The following FBXO36 variants were observed in gnomAD, a reference collection of about 807,000 sequenced individuals.
FBXO36 encodes F-box only protein 36.
In FBXO36, 18 loss-of-function variants were observed where a neutral mutation model predicts 17.0. The observed-to-expected ratio is 1.06, with a 90% CI of 0.73 to 1.57. The LOEUF is 1.57. Among genes scored for constraint, FBXO36 ranks in the 40% most tolerant of loss-of-function variants. The probability of loss-of-function intolerance (pLI) is 0.00; values close to 1 mark genes in which losing one functional copy is unlikely to be tolerated. For synonymous variants in FBXO36, 83 were observed against 85.3 expected (o/e 0.97, Z 0.15); for missense variants, 229 against 221.9 (o/e 1.03, Z -0.20).
intron 1 of FBXO36, chr2:229,937,861 T>C (rs1311265830): frequency 6.6e-6 from 1 of 152,218 alleles, no homozygotes; most frequent in Non-Finnish European, 1.5e-5. Flanking sequence ...ATTTTTAGTA[T>C]ATGTGCTGGT....
chr2:229,938,744 C>T (rs2076980300), intron 1 of FBXO36, among the ~76,000 whole-genome samples: 1 of 139,256 alleles, frequency 7.2e-6, no homozygotes, highest in Non-Finnish European at 1.5e-5. Flanking sequence ...GTTTTCTTAC[C>T]CCCAAAAAAC....
chr2:229,929,373 C>T (rs887595732), intron 1 of FBXO36, among the ~76,000 whole-genome samples: 1 of 151,858 alleles, frequency 6.6e-6, no homozygotes, highest in African/African-American at 2.4e-5. Flanking sequence ...ACCATCCCGG[C>T]CAACATGGTG....
chr2:229,941,685 T>G (rs1006575497), intron 1 of FBXO36, among the ~76,000 whole-genome samples: 2 of 152,006 alleles, frequency 1.3e-5, no homozygotes, highest in Admixed American at 1.3e-4. Context: ...AGGCTGCAAG[T>G]TGCCTCTCCA....
At chr2:229,932,022 T>TC (rs2076941059) in intron 1 of FBXO36, among the ~76,000 whole-genome samples, 2 of 150,096 alleles carry the variant, frequency 1.3e-5, no homozygotes, top group African/African-American at 2.4e-5. Flanking sequence ...GCTCAAGCAA[T>TC]CCACCCACTT....
intron 2 of FBXO36, among the ~76,000 whole-genome samples, chr2:229,996,156 T>C (rs2077326044): frequency 6.6e-6 from 1 of 151,584 alleles, no homozygotes; most frequent in African/African-American, 2.4e-5. Context: ...CACACACCAA[T>C]AGTCCCAGCT....
intron 1 of FBXO36, among the ~76,000 whole-genome samples, chr2:229,975,602 G>T (rs2077203472): frequency 6.6e-6 from 1 of 150,398 alleles, no homozygotes; most frequent in Admixed American, 6.7e-5. Context: ...AGCCTCACAA[G>T]TAGTGGGGAC....
At chr2:230,009,469 G>A (rs1236601759) in intron 3 of FBXO36, among the ~76,000 whole-genome samples, 1 of 152,186 alleles carries the variant, frequency 6.6e-6, no homozygotes, top group African/African-American at 2.4e-5. Context: ...TTTTTATGGT[G>A]TGCAGTGGCA....
chr2:229,929,200 C>T (rs967796191), intron 1 of FBXO36, among the ~76,000 whole-genome samples: 2 of 152,002 alleles, frequency 1.3e-5, no homozygotes, highest in African/African-American at 4.8e-5. Flanking sequence ...TCCCAAAGTG[C>T]TGGGATTACA....
chr2:229,965,524 C>T (rs572089415), intron 1 of FBXO36, among the ~76,000 whole-genome samples: 1 of 143,584 alleles, frequency 7.0e-6, no homozygotes, highest in Non-Finnish European at 1.5e-5. Flanking sequence ...TCCCTCCCCC[C>T]TCCCCCAACC....
chr2:229,984,030 C>G (rs1020582156), intron 2 of FBXO36, among the ~76,000 whole-genome samples: 2 of 152,178 alleles, frequency 1.3e-5, no homozygotes, highest in Non-Finnish European at 2.9e-5. Context: ...TGAATTCTTT[C>G]TGTTTGAATT....
At chr2:229,968,919 G>C (rs960062891) in intron 1 of FBXO36, among the ~76,000 whole-genome samples, 2 of 151,720 alleles carry the variant, frequency 1.3e-5, no homozygotes, top group African/African-American at 4.8e-5. Context: ...GATTACAGGC[G>C]TGCACCACCA....
intron 1 of FBXO36, among the ~76,000 whole-genome samples, chr2:229,974,407 C>T (rs894449092): frequency 3.3e-5 from 5 of 152,172 alleles, no homozygotes; most frequent in African/African-American, 9.6e-5. Flanking sequence ...CCATGGAGAG[C>T]GTCCCTCCAG....
At chr2:230,002,272 A>C (rs377608527) in intron 3 of FBXO36, among the ~76,000 whole-genome samples, 10 of 152,250 alleles carry the variant, frequency 6.6e-5, no homozygotes, top group African/African-American at 2.2e-4. Context: ...TGTTATTAGA[A>C]TTTCATTAGT....
At chr2:229,961,580 C>T (rs916036731) in intron 1 of FBXO36, among the ~76,000 whole-genome samples, 3 of 151,916 alleles carry the variant, frequency 2.0e-5, no homozygotes, top group East Asian at 1.9e-4. Context: ...TTCACCATGT[C>T]GGCCACGATG....
chr2:229,961,364 C>T (rs1178720661), intron 1 of FBXO36, among the ~76,000 whole-genome samples: 1 of 151,842 alleles, frequency 6.6e-6, no homozygotes, highest in Non-Finnish European at 1.5e-5. Context: ...GCAATTTTCA[C>T]ACACTATTTT....
intron 1 of FBXO36, among the ~76,000 whole-genome samples, chr2:229,923,556 A>C (rs1344765604): frequency 1.3e-5 from 2 of 152,314 alleles, no homozygotes; most frequent in South Asian, 2.1e-4. Flanking sequence ...CCTTAAACAA[A>C]ATAGGTAATG....
At chr2:229,966,231 T>C (rs895972120) in intron 1 of FBXO36, among the ~76,000 whole-genome samples, 1 of 152,190 alleles carries the variant, frequency 6.6e-6, no homozygotes, top group Admixed American at 6.5e-5. Flanking sequence ...GGGTTGTTTG[T>C]TTTTTTCTTG....
At chr2:229,955,351 C>G (rs1479361396) in intron 1 of FBXO36, among the ~76,000 whole-genome samples, 2 of 151,936 alleles carry the variant, frequency 1.3e-5, no homozygotes, top group African/African-American at 4.8e-5. Flanking sequence ...TGGCAAAACC[C>G]TATCTCTATA....
Position 229,922,573 on chromosome 2 carries a change from C to T in FBXO36, c.60C>T (p.Ser20=). The T allele has an allele frequency of 1.9e-6, 3 of 1,614,112 alleles. No individual in the cohort carries two copies. Among genetic ancestry groups the T allele is most frequent in the Non-Finnish European group, 2.5e-6 (3 of 1,180,030 alleles). The change falls in exon 1 of 4, where the codon AGC becomes AGT. Residue 20 remains serine (S), a synonymous_variant. Coordinates refer to ENST00000283946, the MANE Select transcript of FBXO36 (RefSeq NM_174899.5). The stretch of plus-strand genomic sequence containing the variant: ...CTGTAGGACAAGGCCCGCCGCCTAG[C>T]AAAGACTATTACCAGTTACTGGTCA... ...FETVGQGPPP[S]KDYYQLLVTR...
Sources: allele counts gnomAD v4.1 joint callset (sites outside exome capture counted in the v4.1 genomes callset), GRCh38; gene constraint gnomAD v4.1.1; transcripts MANE v1.5; gene names NCBI Gene and HGNC (gene_info 2026-07-23, HGNC 2026-07-21).